The following CDC5L variants were observed in gnomAD, a reference collection of about 807,000 sequenced individuals.
CDC5L encodes the protein cell division cycle 5-like protein.
CDC5L carries 18 observed loss-of-function variants against 104.1 expected under a neutral mutation model. The ratio of observed to expected loss-of-function variants is 0.17; its 90% CI spans 0.12 to 0.26. The LOEUF is 0.26. Among genes scored for constraint, CDC5L ranks in the 10% least tolerant of loss-of-function variants. The pLI, the probability that CDC5L is intolerant of heterozygous loss-of-function variation, is 1.00. For missense variants in CDC5L, 673 were observed against 956.9 expected (o/e 0.70, Z 3.91); for synonymous variants, 331 against 322.7 (o/e 1.03, Z -0.28).
intron 15 of CDC5L, 116 bp downstream of exon 15, chr6:44,445,983 A>T (rs575306087): frequency 1.3e-6 from 1 of 783,360 alleles, no homozygotes; most frequent in Admixed American, 2.5e-5. Context: ...TCAGGCTTTT[A>T]AAAATGAGAG....
At chr6:44,395,726 C>CA (rs1255671291) in intron 4 of CDC5L, among the ~76,000 whole-genome samples, 1 of 152,106 alleles carries the variant, frequency 6.6e-6, no homozygotes, top group African/African-American at 2.4e-5. Context: ...ACGGGAAGAG[C>CA]AGTGATCTTG....
rs1351016031 is a variant in CDC5L at position 44,403,987 on chromosome 6, A to G, written c.718A>G (p.Arg240Gly). ...ENYQALDADF[R>G]KLRQQDLDGE... Reference sequence around the variant, plus strand: ...CTACCAAGCTCTTGACGCAGATTTCAGGAAATTAAGACAACAGGATCTTGA... The same window carrying G: ...CTACCAAGCTCTTGACGCAGATTTCGGGAAATTAAGACAACAGGATCTTGA... Residue 240 changes from arginine to glycine, a missense_variant, in exon 6 of 16, where the codon AGG becomes GGG. Around this residue, in one of 4 missense-constraint regions of CDC5L, gnomAD observed 578 missense variants for 737.0 expected, o/e 0.78. Transcript: ENST00000371477. 1.9e-6 allele frequency: 3 copies of G among 1,612,416 alleles called. No individual in the cohort carries two copies. Among genetic ancestry groups the G allele is most frequent in the Admixed American group, 1.7e-5 (1 of 59,772 alleles).
At chr6:44,421,365 T>C (rs2153380945) in intron 9 of CDC5L, among the ~76,000 whole-genome samples, 1 of 152,328 alleles carries the variant, frequency 6.6e-6, no homozygotes, top group South Asian at 2.1e-4. Flanking sequence ...GAAAATGGAA[T>C]TGGAACTTAC....
intron 7 of CDC5L, among the ~76,000 whole-genome samples, chr6:44,406,858 A>G (rs1019492201): frequency 6.6e-6 from 1 of 152,128 alleles, no homozygotes; most frequent in Admixed American, 6.5e-5. Context: ...GGTTGCAGTG[A>G]GCCAAGATGG....
chr6:44,407,162 A>G (rs1791408000), intron 7 of CDC5L, among the ~76,000 whole-genome samples: 1 of 152,176 alleles, frequency 6.6e-6, no homozygotes, highest in Admixed American at 6.5e-5. Context: ...GCCTTCTCCC[A>G]GGGAATGTTT....
At chr6:44,387,899 C>T in intron 1 of CDC5L, 31 bp downstream of exon 1, 2 of 1,552,836 alleles carry the variant, frequency 1.3e-6, no homozygotes, top group Non-Finnish European at 1.7e-6. Flanking sequence ...GTCCGCTGCC[C>T]GCCGCTCCCT....
At chr6:44,440,463 G>A (rs1196103079) in intron 14 of CDC5L, among the ~76,000 whole-genome samples, 2 of 151,852 alleles carry the variant, frequency 1.3e-5, no homozygotes, top group Non-Finnish European at 2.9e-5. Context: ...GGCTGGTCTC[G>A]AACTCCTGAC....
intron 14 of CDC5L, among the ~76,000 whole-genome samples, chr6:44,436,755 C>T (rs918089063): frequency 1.3e-5 from 2 of 152,072 alleles, no homozygotes; most frequent in South Asian, 2.1e-4. Context: ...TTTTAGATAC[C>T]GTATTATGAA....
In CDC5L at chr6:44,408,905, AGTTTTG is replaced by A. The variant is rs201464469; in HGVS notation, c.1092+274_1092+279del. Reference sequence around the variant, plus strand: ...TCTTTTGTACCTGTCAGTAAAGCATAGTTTTGTAAAATTTCACATTGCCTGCCAATC... The same window carrying A: ...TCTTTTGTACCTGTCAGTAAAGCATATAAAATTTCACATTGCCTGCCAATC... On this transcript the variant is annotated intron_variant, in intron 8 of 15. Transcript: ENST00000371477. Among the ~76,000 whole-genome samples, 1,513 of 152,272 alleles carry A rather than the reference AGTTTTG, an allele frequency of 9.9e-3. 11 individuals carry two copies. The highest frequency in any genetic ancestry group is 0.031 in the Middle Eastern group (9 of 294).
chr6:44,445,626 T>C (rs1311423382), intron 14 of CDC5L, 29 bp from the exon 15 acceptor site: 1 of 1,539,336 alleles, frequency 6.5e-7, no homozygotes, highest in Admixed American at 1.7e-5. Context: ...TTCTCATGTA[T>C]GCTGATGTGA....
chr6:44,387,742 G>C lies in CDC5L; in HGVS notation c.-82G>C. The C allele has an allele frequency of 7.9e-7, 1 of 1,268,150 alleles. No homozygotes were observed. Among genetic ancestry groups the C allele is most frequent in the Non-Finnish European group, 1.1e-6 (1 of 892,264 alleles). 78.6% of individuals were successfully genotyped at this position (1,268,150 alleles called of 1,614,324 possible). The stretch of plus-strand genomic sequence containing the variant: ...AAGGTCGCGCTTGGAGGAAGTGGCG[G>C]CTTTGAGTCCGGTGGCCCAATCGCT... On this transcript the variant is annotated 5_prime_UTR_variant, in exon 1 of 16. Coordinates refer to ENST00000371477, the MANE Select transcript of CDC5L (RefSeq NM_001253.4).
chr6:44,435,923 A>G (rs1232844897), intron 14 of CDC5L, among the ~76,000 whole-genome samples: 1 of 151,878 alleles, frequency 6.6e-6, no homozygotes, highest in Non-Finnish European at 1.5e-5. Flanking sequence ...CTGAGATTAC[A>G]GGTGCCTGCC....
In CDC5L at chr6:44,449,425, TGGGA is replaced by T. The variant is rs1385102769; in HGVS notation, c.*2717_*2720del. 6.6e-6 allele frequency: 1 copy of T among 152,152 alleles called. No homozygotes were observed. Among genetic ancestry groups the T allele is most frequent in the Non-Finnish European group, 1.5e-5 (1 of 68,018 alleles). The allele number at this position is 152,152 out of a possible 1,614,324, so 9.4% of individuals were successfully genotyped here. A position where few individuals can be genotyped will look rare whatever the true frequency, so the allele number is the denominator to read the frequency against. ...ATCCTAGCACTTTGGGAGGCCAAGG[TGGGA>T]GGATCATTTGAGCTCAGGAGTTCAA... On this transcript the variant is annotated 3_prime_UTR_variant, in exon 16 of 16. Coordinates refer to ENST00000371477, the MANE Select transcript of CDC5L (RefSeq NM_001253.4).
chr6:44,396,497 C>A, intron 5 of CDC5L, 57 bp downstream of exon 5: 2 of 1,029,168 alleles, frequency 1.9e-6, no homozygotes, highest in Non-Finnish European at 1.5e-6. Context: ...ACAATCAACA[C>A]AGAATACTTC....
intron 14 of CDC5L, among the ~76,000 whole-genome samples, chr6:44,445,160 C>A (rs1465861278): frequency 2.0e-5 from 3 of 151,990 alleles, no homozygotes; most frequent in African/African-American, 7.3e-5. Flanking sequence ...ATTTAGTGAT[C>A]TAGGAAGACT....
chr6:44,407,392 T>C (rs543092792), intron 7 of CDC5L, among the ~76,000 whole-genome samples: 111 of 151,884 alleles, frequency 7.3e-4, no homozygotes, highest in African/African-American at 2.6e-3. Context: ...CGTGGTGCCA[T>C]CTAGGCTCAC....
chr6:44,431,824 A>G (rs1399391657), intron 14 of CDC5L, among the ~76,000 whole-genome samples: 4 of 152,236 alleles, frequency 2.6e-5, no homozygotes, highest in African/African-American at 7.2e-5. Flanking sequence ...ATGAGCAACC[A>G]TTAAAAACAT....
chr6:44,404,037 C>T lies in CDC5L; in HGVS notation c.758+10C>T. 6.3e-7 allele frequency: 1 copy of T among 1,596,368 alleles called. No homozygotes were observed. The highest frequency in any genetic ancestry group is 8.5e-7 in the Non-Finnish European group (1 of 1,172,518). ...ATGGGGAGCTAAGATCGTAAGTTGC[C>T]TTTCTGATTTTGGAAATGGAAAGGA... On this transcript the variant is annotated intron_variant, in intron 6 of 15. Coordinates refer to ENST00000371477, the MANE Select transcript of CDC5L (RefSeq NM_001253.4).
intron 14 of CDC5L, among the ~76,000 whole-genome samples, chr6:44,437,578 G>A (rs1792994548): frequency 1.3e-5 from 2 of 152,164 alleles, no homozygotes; most frequent in Admixed American, 6.5e-5. Flanking sequence ...AAATAAAATT[G>A]TTGGCATTAA....
Sources: allele counts gnomAD v4.1 joint callset (sites outside exome capture counted in the v4.1 genomes callset), GRCh38; gene constraint gnomAD v4.1.1; regional missense constraint gnomAD v4.1.1; transcripts MANE v1.5; gene names NCBI Gene and HGNC (gene_info 2026-07-23, HGNC 2026-07-21).